The following FHIT variants were observed in gnomAD, a reference collection of about 807,000 sequenced individuals.
The protein encoded by FHIT is fragile histidine triad diadenosine triphosphatase.
FHIT carries 19 observed loss-of-function variants against 17.9 expected under a neutral mutation model. That is an observed-to-expected ratio of 1.06 (90% CI 0.74 to 1.56). The LOEUF (loss-of-function observed/expected upper bound fraction) is 1.56. Among genes scored for constraint, FHIT ranks in the 40% most tolerant of loss-of-function variants. FHIT has a pLI of 0.00. For synonymous variants in FHIT, 81 were observed against 69.7 expected, an observed-to-expected ratio of 1.16 and a Z score of -0.81; for missense variants, 248 against 189.2, an observed-to-expected ratio of 1.31 and a Z score of -1.82.
chr3:61,171,077 T>C (rs575650394), intron 2 of FHIT, among the ~76,000 whole-genome samples: 99 of 152,206 alleles, frequency 6.5e-4, no homozygotes, highest in Admixed American at 1.4e-3. Context: ...CAAAGGTGTA[T>C]AAACATTCTT....
At chr3:60,220,333 C>T (rs1255916939) in intron 5 of FHIT, among the ~76,000 whole-genome samples, 1 of 152,016 alleles carries the variant, frequency 6.6e-6, no homozygotes, top group African/African-American at 2.4e-5. Flanking sequence ...CACTCATTTT[C>T]AAGGCCTGCC....
At chr3:60,049,454 AATCT>A in intron 5 of FHIT, among the ~76,000 whole-genome samples, 1 of 129,754 alleles carries the variant, frequency 7.7e-6, no homozygotes, top group Non-Finnish European at 1.9e-5. Context: ...TATCTTGATG[AATCT>A]TCTTTTTTCA....
At chr3:61,054,805 C>A (rs60212605) in intron 2 of FHIT, among the ~76,000 whole-genome samples, 121,060 of 151,728 alleles carry the variant, frequency 0.8, 48,982 homozygotes, top group Middle Eastern at 0.92. Context: ...AACCCTCCTT[C>A]TATGAAGCTT....
At chr3:60,469,699 T>G (rs2032983320) in intron 5 of FHIT, among the ~76,000 whole-genome samples, 1 of 152,098 alleles carries the variant, frequency 6.6e-6, no homozygotes, top group African/African-American at 2.4e-5. Context: ...AAGGTCTTGA[T>G]GCTTTGGGTG....
At chr3:59,887,156 C>T (rs1216830020) in intron 8 of FHIT, among the ~76,000 whole-genome samples, 28 of 152,202 alleles carry the variant, frequency 1.8e-4, no homozygotes, top group Non-Finnish European at 2.9e-5. Flanking sequence ...AGAATTTGAA[C>T]TTCAGCCTAA....
intron 8 of FHIT, among the ~76,000 whole-genome samples, chr3:59,782,718 C>T (rs1183906662): frequency 6.6e-6 from 1 of 152,106 alleles, no homozygotes; most frequent in Non-Finnish European, 1.5e-5. Context: ...GGGGTGAGTA[C>T]ACAAGGAGAT....
chr3:60,333,569 AAATAT>A (rs1240272808), intron 5 of FHIT, among the ~76,000 whole-genome samples: 1 of 152,156 alleles, frequency 6.6e-6, no homozygotes, highest in Non-Finnish European at 1.5e-5. Flanking sequence ...TAAAAAGAAA[AAATAT>A]AATTAAGAAA....
intron 5 of FHIT, among the ~76,000 whole-genome samples, chr3:60,324,758 T>C (rs984066020): frequency 2.6e-5 from 4 of 152,162 alleles, no homozygotes; most frequent in Non-Finnish European, 5.9e-5. Context: ...ACTCTTTAGC[T>C]CTTTGCTTCC....
rs115884634 is a variant in FHIT, at chr3:60,065,806, T to C, written c.104-51654A>G. On this transcript the variant is annotated intron_variant, in intron 5 of 9. Coordinates refer to ENST00000492590, the MANE Select transcript of FHIT (RefSeq NM_002012.4). Reference sequence around the variant, plus strand: ...CAACTACTCATTCTCTCAGACCATCTTGAAGCCAGTGAAAATCTGCTGGGG... The same window carrying C: ...CAACTACTCATTCTCTCAGACCATCCTGAAGCCAGTGAAAATCTGCTGGGG... 7.6e-3 allele frequency among the ~76,000 whole-genome samples: 1,155 copies of C among 152,272 alleles called. 17 individuals carry two copies. The highest frequency in any genetic ancestry group is 0.025 in the African/African-American group (1,046 of 41,554).
intron 5 of FHIT, among the ~76,000 whole-genome samples, chr3:60,338,097 A>G (rs1174088441): frequency 6.6e-6 from 1 of 152,170 alleles, no homozygotes; most frequent in Admixed American, 6.5e-5. Context: ...GCAGCAGGGG[A>G]CAGGATGGAA....
intron 2 of FHIT, among the ~76,000 whole-genome samples, chr3:61,104,080 T>C (rs1202856679): frequency 6.6e-6 from 1 of 152,182 alleles, no homozygotes; most frequent in African/African-American, 2.4e-5. Flanking sequence ...AAGGTTAGTA[T>C]TGATAATTGT....
chr3:60,502,734 T>A (rs1292208673), intron 5 of FHIT, among the ~76,000 whole-genome samples: 1 of 152,220 alleles, frequency 6.6e-6, no homozygotes, highest in East Asian at 1.9e-4. Flanking sequence ...TCATGAGGGC[T>A]GACGACAACA....
intron 4 of FHIT, chr3:60,732,238 C>A: frequency 1.2e-6 from 1 of 849,580 alleles, no homozygotes; most frequent in East Asian, 2.4e-5. Context: ...GATATTCATG[C>A]CTTCACCATG....
intron 4 of FHIT, among the ~76,000 whole-genome samples, chr3:60,750,919 T>C (rs2042453330): frequency 6.6e-6 from 1 of 152,178 alleles, no homozygotes; most frequent in Non-Finnish European, 1.5e-5. Flanking sequence ...CCCACCCCTC[T>C]TAATACTAAA....
In FHIT at chr3:61,196,248, G is replaced by A. The variant is rs76343721; in HGVS notation, c.-164+4369C>T. On this transcript the variant is annotated intron_variant, in intron 2 of 9. Coordinates refer to ENST00000492590, the MANE Select transcript of FHIT (RefSeq NM_002012.4). ...AGAGAGGTAGAAAGAAGGCATAGAT[G>A]TTGCAGTTTTTAAATATTTGCTATT... Among the ~76,000 whole-genome samples, 659 of 152,182 alleles carry A rather than the reference G, an allele frequency of 4.3e-3. 4 individuals carry two copies. Among genetic ancestry groups the A allele is most frequent in the African/African-American group, 0.015 (631 of 41,528 alleles).
At chr3:59,957,376 T>A (rs569493468) in intron 7 of FHIT, among the ~76,000 whole-genome samples, 3 of 152,318 alleles carry the variant, frequency 2.0e-5, no homozygotes, top group African/African-American at 7.2e-5. Flanking sequence ...TCAGGGGAAA[T>A]CAACTCTGCT....
chr3:60,199,949 C>G (rs1177364609), intron 5 of FHIT, among the ~76,000 whole-genome samples: 1 of 152,070 alleles, frequency 6.6e-6, no homozygotes, highest in African/African-American at 2.4e-5. Flanking sequence ...ATGACAGACA[C>G]TAATATTCTT....
chr3:60,455,224 C>A (rs1249360973), intron 5 of FHIT, among the ~76,000 whole-genome samples: 2 of 152,094 alleles, frequency 1.3e-5, no homozygotes, highest in Non-Finnish European at 2.9e-5. Flanking sequence ...CAACCCCAAT[C>A]GGGTTGGGTT....
chr3:60,143,716 C>G (rs1258325388), intron 5 of FHIT, among the ~76,000 whole-genome samples: 6 of 143,620 alleles, frequency 4.2e-5, no homozygotes, highest in Admixed American at 4.2e-4. Flanking sequence ...AATGGCTTAC[C>G]ATAACCTATC....
Sources: gnomAD v4.1 joint callset for allele counts (sites outside exome capture counted in the v4.1 genomes callset) on GRCh38, gnomAD v4.1.1 for gene constraint, MANE v1.5 for transcripts, NCBI Gene and HGNC (gene_info 2026-07-23, HGNC 2026-07-21) for gene names.